SUGCT: variants seen among roughly 807,000 people sequenced by gnomAD.
SUGCT encodes succinyl-CoA:glutarate-CoA transferase, also known as succinyl-CoA:glutarate CoA-transferase.
A neutral mutation model predicts 55.0 loss-of-function variants in SUGCT; 41 were observed. The ratio of observed to expected loss-of-function variants is 0.74; its 90% confidence interval spans 0.58 to 0.97. The LOEUF (loss-of-function observed/expected upper bound fraction) is 0.97. Ranked by LOEUF, SUGCT falls within the 50% of genes least tolerant of loss-of-function variation. The probability of loss-of-function intolerance (pLI) is 0.00; values close to 1 mark genes in which losing one functional copy is unlikely to be tolerated. For synonymous variants in SUGCT, 187 were observed against 200.4 expected (o/e 0.93, Z 0.56); for missense variants, 568 against 547.8 (o/e 1.04, Z -0.37).
At chr7:40,948,447 T>C in the SUGCT span, among the ~76,000 whole-genome samples, 1 of 151,488 alleles carries the variant, frequency 6.6e-6, no homozygotes, top group Admixed American at 6.6e-5. Flanking sequence ...ATGATGATGA[T>C]GATGATGATG....
chr7:40,844,022 G>A (rs1793423829), intron 13 of SUGCT, among the ~76,000 whole-genome samples: 1 of 152,074 alleles, frequency 6.6e-6, no homozygotes, highest in Non-Finnish European at 1.5e-5. Flanking sequence ...GTGAGTGGGT[G>A]CAGGAACCAG....
intron 12 of SUGCT, among the ~76,000 whole-genome samples, chr7:40,713,703 T>C (rs1785853748): frequency 6.6e-6 from 1 of 152,208 alleles, no homozygotes; most frequent in South Asian, 2.1e-4. Flanking sequence ...AATCCTTCTC[T>C]GCACTTACAC....
chr7:40,575,426 C>G (rs1796687034), intron 12 of SUGCT, among the ~76,000 whole-genome samples: 1 of 152,094 alleles, frequency 6.6e-6, no homozygotes, highest in African/African-American at 2.4e-5. Context: ...ATTCAAATTA[C>G]TACTTGATTC....
chr7:40,847,882 C>T lies in SUGCT; in HGVS notation c.1154-12434C>T, dbSNP rs574569662. ...CAAAAGGGAAAGTTAAGCCTGGAGGCTGAGTCGTGCAATGCCCTTTTCCAA... is the reference window on the plus strand; with the variant it reads ...CAAAAGGGAAAGTTAAGCCTGGAGGTTGAGTCGTGCAATGCCCTTTTCCAA... On this transcript the variant is annotated intron_variant, in intron 13 of 13. Transcript: ENST00000335693. Among the ~76,000 whole-genome samples the T allele has an allele frequency of 5.9e-5, 9 of 152,268 alleles. No homozygotes were observed. In the East Asian group the frequency reaches 1.7e-3, roughly 30 times the overall value.
intron 12 of SUGCT, among the ~76,000 whole-genome samples, chr7:40,644,750 T>C (rs140824831): frequency 6.6e-6 from 1 of 152,318 alleles, no homozygotes; most frequent in East Asian, 1.9e-4. Context: ...AGGAAGCTCC[T>C]GTCATTCCTC....
At chr7:40,161,604 C>T (rs557462439) in intron 1 of SUGCT, among the ~76,000 whole-genome samples, 6 of 152,280 alleles carry the variant, frequency 3.9e-5, no homozygotes, top group East Asian at 1.9e-4. Context: ...CAGTCTTCTC[C>T]GTAGGAGAAT....
At chr7:40,229,799 C>G (rs989183222) in intron 6 of SUGCT, among the ~76,000 whole-genome samples, 4 of 116,826 alleles carry the variant, frequency 3.4e-5, no homozygotes, top group Non-Finnish European at 3.3e-5. Context: ...GGTCACAGAT[C>G]AAGACTCTGT....
chr7:40,324,244 A>ATATATAT (rs1562681042), intron 9 of SUGCT, among the ~76,000 whole-genome samples: 8 of 98,448 alleles, frequency 8.1e-5, no homozygotes, highest in Middle Eastern at 0.011. Flanking sequence ...TAAATAAATA[A>ATATATAT]ATAAATAAAT....
At chr7:40,615,121 A>G (rs1219910201) in intron 12 of SUGCT, among the ~76,000 whole-genome samples, 2 of 152,050 alleles carry the variant, frequency 1.3e-5, no homozygotes, top group Non-Finnish European at 1.5e-5. Flanking sequence ...TTATTTACAA[A>G]CACACTGCTA....
intron 12 of SUGCT, among the ~76,000 whole-genome samples, chr7:40,653,893 C>T (rs779634109): frequency 9.2e-5 from 14 of 151,876 alleles, no homozygotes; most frequent in Admixed American, 3.9e-4. Context: ...AACAGTATTG[C>T]GGACTCCTGT....
intron 13 of SUGCT, among the ~76,000 whole-genome samples, chr7:40,801,195 G>A (rs1249751160): frequency 2.0e-5 from 3 of 152,234 alleles, no homozygotes; most frequent in Admixed American, 1.3e-4. Context: ...TGAAAGGGAT[G>A]AAGACCTTCG....
At chr7:40,926,042 A>G in the SUGCT span, among the ~76,000 whole-genome samples, 1 of 151,954 alleles carries the variant, frequency 6.6e-6, no homozygotes, top group Admixed American at 6.6e-5. Flanking sequence ...GCAGTGAACT[A>G]TGATCCCATG....
At chr7:40,908,323 C>T in the SUGCT span, among the ~76,000 whole-genome samples, 1 of 144,988 alleles carries the variant, frequency 6.9e-6, no homozygotes, top group African/African-American at 2.6e-5. Flanking sequence ...GTGGAGCTTG[C>T]AGTGAGCTGA....
At position 40,729,200 on chromosome 7, in the gene SUGCT, T is replaced by A. The variant is rs115552040; in HGVS notation, c.1090-20234T>A. On this transcript the variant is annotated intron_variant, in intron 12 of 13. Transcript: ENST00000335693. ...TTATTAGTGCTTGCTGCGTGCCAAG[T>A]AGTGGATAAGTACTCCAACATTTTT... Among the ~76,000 whole-genome samples the A allele has an allele frequency of 7.9e-3, 1,200 of 152,346 alleles. 11 individuals are homozygous for A. The highest frequency in any genetic ancestry group is 0.028 in the African/African-American group (1,164 of 41,578).
chr7:40,996,349 T>A, the SUGCT span, among the ~76,000 whole-genome samples: 5 of 152,184 alleles, frequency 3.3e-5, 1 homozygote, highest in South Asian at 1.0e-3. Context: ...AGCCTCAGCT[T>A]CTGCACCTGT....
At chr7:40,148,369 G>T (rs771517937) in intron 1 of SUGCT, among the ~76,000 whole-genome samples, 1 of 152,160 alleles carries the variant, frequency 6.6e-6, no homozygotes, top group Non-Finnish European at 1.5e-5. Context: ...ACCTGGCCGG[G>T]CGCGGTGGCT....
At chr7:40,598,140 T>G (rs1245908655) in intron 12 of SUGCT, among the ~76,000 whole-genome samples, 1 of 152,208 alleles carries the variant, frequency 6.6e-6, no homozygotes, top group Non-Finnish European at 1.5e-5. Context: ...GCATAGGTAG[T>G]GCCACATGCC....
chr7:40,572,839 A>G (rs560381712), intron 12 of SUGCT, among the ~76,000 whole-genome samples: 1 of 152,238 alleles, frequency 6.6e-6, no homozygotes, highest in South Asian at 2.1e-4. Flanking sequence ...TTCCAAATCA[A>G]ATGGTGTCAT....
intron 13 of SUGCT, among the ~76,000 whole-genome samples, chr7:40,851,338 ATGT>A (rs538004850): frequency 1.1e-4 from 16 of 152,198 alleles, no homozygotes; most frequent in African/African-American, 3.1e-4. Flanking sequence ...AAAATGTTTA[ATGT>A]TGTTGTGAGG....
Sources: gnomAD v4.1 joint callset for allele counts (sites outside exome capture counted in the v4.1 genomes callset) on GRCh38, gnomAD v4.1.1 for gene constraint, MANE v1.5 for transcripts, NCBI Gene and HGNC (gene_info 2026-07-23, HGNC 2026-07-21) for gene names.